Variants in TRAPPC10 observed in about 807,000 individuals in gnomAD.
TRAPPC10 encodes TRAPP 130 kDa subunit.
A neutral mutation model predicts 125.5 loss-of-function variants in TRAPPC10; 23 were observed. The observed-to-expected ratio is 0.18, with a 90% CI of 0.13 to 0.26. TRAPPC10 has a LOEUF of 0.26. TRAPPC10 is among the 10% of genes least tolerant of loss of function. The pLI is 1.00. For missense variants in TRAPPC10, 1,123 were observed against 1,308.4 expected, an observed-to-expected ratio of 0.86 and a Z score of 2.19; for synonymous variants, 509 against 518.0, an observed-to-expected ratio of 0.98 and a Z score of 0.24.
At chr21:44,072,530 C>A (rs1044487940) in intron 7 of TRAPPC10, among the ~76,000 whole-genome samples, 5 of 152,204 alleles carry the variant, frequency 3.3e-5, no homozygotes, top group Admixed American at 3.3e-4. Context: ...ATGGCATGAT[C>A]TTGGCTCACC....
chr21:44,017,278 A>G (rs983163463), intron 1 of TRAPPC10, among the ~76,000 whole-genome samples: 1 of 152,224 alleles, frequency 6.6e-6, no homozygotes, highest in African/African-American at 2.4e-5. Flanking sequence ...GTTACAAACC[A>G]TTCCATCTTG....
At chr21:44,074,674 C>T (rs1249523889) in intron 8 of TRAPPC10, among the ~76,000 whole-genome samples, 1 of 152,220 alleles carries the variant, frequency 6.6e-6, no homozygotes, top group Non-Finnish European at 1.5e-5. Context: ...ACAGCAAGCA[C>T]TTGCTGTGCT....
chr21:44,071,237 G>T, intron 7 of TRAPPC10, among the ~76,000 whole-genome samples: 1 of 152,182 alleles, frequency 6.6e-6, no homozygotes. Flanking sequence ...GATCTTGACC[G>T]GGAAAAGGGA....
In TRAPPC10 at chr21:44,063,613, A is replaced by G. The variant is rs767228661; in HGVS notation, c.866A>G (p.Asp289Gly). Reference sequence around the variant, plus strand: ...GGATTGATCCTCCGAAAACCCATAGATATGGAGAAGCGGGAATCGATCCAG... The same window carrying G: ...GGATTGATCCTCCGAAAACCCATAGGTATGGAGAAGCGGGAATCGATCCAG... ...WNGLILRKPI[D>G]MEKRESIQRR... The change falls in exon 7 of 23, where the codon GAT becomes GGT. Residue 289 changes from aspartate (D) to glycine (G), a missense_variant. Physicochemically the swap from Asp to Gly is moderately conservative, Grantham distance 94 (BLOSUM62 -1). Around this residue, in one of 4 missense-constraint regions of TRAPPC10, gnomAD observed 91 missense variants for 127.1 expected, o/e 0.72. Coordinates refer to ENST00000291574, the MANE Select transcript of TRAPPC10 (RefSeq NM_003274.5). This position sits in a 1 kb window ranked among gnomAD's most constrained non-coding sequence, Gnocchi z 4.4. 1 of 1,614,194 alleles carries G rather than the reference A, an allele frequency of 6.2e-7. No homozygotes were observed. The highest frequency in any genetic ancestry group is 1.7e-5 in the Admixed American group (1 of 60,026).
Position 44,082,712 on chromosome 21 carries a change from T to G in TRAPPC10, c.1724-76T>G. 1.3e-6 allele frequency: 2 copies of G among 1,534,316 alleles called. No homozygotes were observed. Among genetic ancestry groups the G allele is most frequent in the Non-Finnish European group, 1.8e-6 (2 of 1,125,260 alleles). On this transcript the variant is annotated intron_variant, in intron 13 of 22. Coordinates refer to ENST00000291574, the MANE Select transcript of TRAPPC10 (RefSeq NM_003274.5). This position sits in a 1 kb window ranked among gnomAD's most constrained non-coding sequence, Gnocchi z 4.4. The stretch of plus-strand genomic sequence containing the variant: ...TTCAGTCTGCTCTCGGTGATCTTAC[T>G]GTGTCCGCGGCCTGCTGCTGCTTAC...
intron 1 of TRAPPC10, among the ~76,000 whole-genome samples, chr21:44,031,195 A>G (rs985714091): frequency 6.6e-6 from 1 of 152,252 alleles, no homozygotes; most frequent in Non-Finnish European, 1.5e-5. Context: ...TAGCAAAATA[A>G]GCAGATGTGT....
Position 44,086,925 on chromosome 21 carries a change from C to CG in TRAPPC10, c.2506dup (p.Glu836GlyfsTer16). On this transcript the variant is annotated frameshift_variant, in exon 16 of 23. Transcript: ENST00000291574. LOFTEE classifies it high-confidence loss of function. ...GAAGCCATGCTCATCCTGTGCCAGG[C>CG]GGAGAGCAGGGCTGTGGTCTACTCC... The CG allele has an allele frequency of 6.2e-7, 1 of 1,614,142 alleles. No individual in the cohort carries two copies. The highest frequency in any genetic ancestry group is 2.2e-5 in the East Asian group (1 of 44,884).
intron 2 of TRAPPC10, among the ~76,000 whole-genome samples, chr21:44,032,543 C>T (rs1026187059): frequency 6.6e-6 from 1 of 151,932 alleles, no homozygotes; most frequent in Non-Finnish European, 1.5e-5. Context: ...CTACCGCACC[C>T]GGCTAATTTT....
intron 3 of TRAPPC10, among the ~76,000 whole-genome samples, chr21:44,045,021 G>A (rs1043264678): frequency 6.6e-5 from 10 of 151,804 alleles, no homozygotes; most frequent in African/African-American, 2.2e-4. Context: ...AAATCCCTCC[G>A]CCTCCCGGGT....
intron 14 of TRAPPC10, 49 bp downstream of exon 14, chr21:44,083,351 C>T (rs540423815): frequency 1.5e-5 from 24 of 1,578,794 alleles, no homozygotes; most frequent in African/African-American, 9.5e-5. Flanking sequence ...AAAGCAGGGC[C>T]GTGGAGCTTA....
chr21:44,050,907 T>G (rs567882783), intron 3 of TRAPPC10, among the ~76,000 whole-genome samples: 1 of 152,330 alleles, frequency 6.6e-6, no homozygotes, highest in South Asian at 2.1e-4. Flanking sequence ...ATTTAGGATT[T>G]AATATTTTTT....
intron 3 of TRAPPC10, among the ~76,000 whole-genome samples, chr21:44,041,572 A>G (rs1032931173): frequency 6.6e-6 from 1 of 151,450 alleles, no homozygotes; most frequent in African/African-American, 2.4e-5. Context: ...GGGTTTCTCC[A>G]TGTTGGTCAG....
At chr21:44,020,351 C>T (rs1235521402) in intron 1 of TRAPPC10, among the ~76,000 whole-genome samples, 2 of 152,086 alleles carry the variant, frequency 1.3e-5, no homozygotes, top group East Asian at 1.9e-4. Flanking sequence ...TGGTCTCGAT[C>T]TCCTGACCTT....
At chr21:44,018,172 T>C (rs978446395) in intron 1 of TRAPPC10, among the ~76,000 whole-genome samples, 6 of 152,012 alleles carry the variant, frequency 3.9e-5, no homozygotes, top group African/African-American at 1.2e-4. Context: ...TCTTAAGTGC[T>C]GATGAATCTC....
chr21:44,036,305 A>G, intron 2 of TRAPPC10, among the ~76,000 whole-genome samples: 1 of 152,234 alleles, frequency 6.6e-6, no homozygotes, highest in Non-Finnish European at 1.5e-5. Flanking sequence ...TCCTGAGGGA[A>G]AGTACCCCAG....
chr21:44,050,036 C>T (rs1225867609), intron 3 of TRAPPC10, among the ~76,000 whole-genome samples: 4 of 152,042 alleles, frequency 2.6e-5, no homozygotes, highest in Non-Finnish European at 2.9e-5. Flanking sequence ...CCCACCACCA[C>T]GCATGGCTAT....
rs2036175651 is a variant in TRAPPC10 at position 44,063,067 on chromosome 21, G to C, written c.791-471G>C. The C allele has an allele frequency of 1.1e-5, 14 of 1,304,244 alleles. No individual in the cohort carries two copies. Among genetic ancestry groups the C allele is most frequent in the Non-Finnish European group, 1.4e-5 (14 of 989,142 alleles). 80.8% of individuals were successfully genotyped at this position (1,304,244 alleles called of 1,614,324 possible). A position where few individuals can be genotyped will look rare whatever the true frequency, so the allele number is the denominator to read the frequency against. ...CCTTCCTCCAGGAGCTTGACTCAGG[G>C]ACGTGACGTGGTTGAGTTAGGGAAA... On this transcript the variant is annotated intron_variant, in intron 6 of 22. Transcript: ENST00000291574. The surrounding 1 kb of genome is among the most constrained non-coding windows in gnomAD (Gnocchi z 4.4).
intron 9 of TRAPPC10, among the ~76,000 whole-genome samples, chr21:44,075,477 C>T (rs1377545304): frequency 5.3e-5 from 8 of 151,892 alleles, no homozygotes; most frequent in Non-Finnish European, 8.8e-5. Context: ...TCTAACAATA[C>T]GACCTGACGA....
chr21:44,026,212 C>T (rs183503702), intron 1 of TRAPPC10, among the ~76,000 whole-genome samples: 18 of 152,028 alleles, frequency 1.2e-4, no homozygotes, highest in African/African-American at 4.1e-4. Flanking sequence ...CACTCCCTGC[C>T]CCCACCCCCG....
Sources: gnomAD v4.1 joint callset for allele counts (sites outside exome capture counted in the v4.1 genomes callset) on GRCh38, gnomAD v4.1.1 for gene constraint, gnomAD v4.1.1 regional missense constraint, Gnocchi (gnomAD v3.1) non-coding constraint, MANE v1.5 for transcripts, NCBI Gene and HGNC (gene_info 2026-07-23, HGNC 2026-07-21) for gene names.